The following LAMC2 variants were observed in gnomAD, a reference collection of about 807,000 sequenced individuals.
LAMC2 encodes laminin subunit gamma-2.
LAMC2 carries 97 observed loss-of-function variants against 140.2 expected under a neutral mutation model. The observed-to-expected ratio is 0.69, with a 90% CI of 0.59 to 0.82. The LOEUF (loss-of-function observed/expected upper bound fraction) is 0.82. Among genes scored for constraint, LAMC2 ranks in the 40% least tolerant of loss-of-function variants. The pLI, the probability that LAMC2 is intolerant of heterozygous loss-of-function variation, is 0.00. For missense variants in LAMC2, 1,402 were observed against 1,476.1 expected, an observed-to-expected ratio of 0.95 and a Z score of 0.82; for synonymous variants, 513 against 540.2, an observed-to-expected ratio of 0.95 and a Z score of 0.70.
intron 1 of LAMC2, among the ~76,000 whole-genome samples, chr1:183,197,540 C>G (rs1658556810): frequency 6.6e-6 from 1 of 151,886 alleles, no homozygotes; most frequent in Non-Finnish European, 1.5e-5. Context: ...GCCGGGCGTG[C>G]TGGCGGGCGC....
the LAMC2 span, chr1:183,252,443 T>A: frequency 3.0e-6 from 1 of 333,246 alleles, no homozygotes; most frequent in Non-Finnish European, 6.0e-6. Context: ...ACCCGGAGAC[T>A]AGAGGAAAGT....
chr1:183,221,462 C>T (rs968951658), intron 5 of LAMC2, among the ~76,000 whole-genome samples: 2 of 152,006 alleles, frequency 1.3e-5, no homozygotes, highest in African/African-American at 4.8e-5. Flanking sequence ...AGCGTGGTGG[C>T]TCACACCTGT....
intron 1 of LAMC2, among the ~76,000 whole-genome samples, chr1:183,195,038 TG>T (rs984300880): frequency 1.3e-5 from 2 of 152,168 alleles, no homozygotes; most frequent in African/African-American, 2.4e-5. Context: ...GTCCTCAGTT[TG>T]CCTTCCCTTT....
rs779592563 is a variant in LAMC2 at position 183,239,429 on chromosome 1, A to C, written c.2935A>C (p.Ile979Leu). The change falls in exon 20 of 23, where the codon ATC becomes CTC. Residue 979 changes from isoleucine (I) to leucine (L), a missense_variant. Transcript: ENST00000264144. Reference protein sequence around the residue: ...AEEAMKRLSYISQKVSDASDK... With the variant: ...AEEAMKRLSYLSQKVSDASDK... The stretch of plus-strand genomic sequence containing the variant: ...AGAAGCCATGAAGAGACTCTCCTAC[A>C]TCAGCCAGAAGGTTTCAGATGCCAG... 8 of 1,614,186 alleles carry C rather than the reference A, an allele frequency of 5.0e-6. No homozygotes were observed. The highest frequency in any genetic ancestry group is 4.4e-5 in the South Asian group (4 of 91,084).
At chr1:183,232,433 T>C (rs1164961669) in intron 13 of LAMC2, 90 bp downstream of exon 13, 7 of 1,436,408 alleles carry the variant, frequency 4.9e-6, no homozygotes, top group African/African-American at 1.4e-5. Flanking sequence ...TCTATGGATA[T>C]CAGTTCAGCA....
At chr1:183,247,389 A>G (rs999605241), downstream of LAMC2, among the ~76,000 whole-genome samples, 4 of 152,336 alleles carry the variant, frequency 2.6e-5, no homozygotes. Context: ...GGACAAGGAA[A>G]AAAAGGCAGT....
rs41314547 is a variant in LAMC2, at chr1:183,243,364, A to G, written c.3546A>G (p.Pro1182=). 6.0e-3 allele frequency: 9,706 copies of G among 1,614,238 alleles called. 53 individuals are homozygous for G. Among genetic ancestry groups the G allele is most frequent in the Middle Eastern group, 0.017 (104 of 6,062 alleles). Residue 1182 remains proline, a synonymous_variant, in exon 23 of 23, where the codon CCA becomes CCG. Transcript: ENST00000264144. ...NLENIRDNLP[P]GCYNTQALEQ... ...AGAACATTAGGGACAACCTGCCCCC[A>G]GGCTGCTACAATACCCAGGCTCTTG...
At chr1:183,204,746 T>G (rs1475595360) in intron 1 of LAMC2, among the ~76,000 whole-genome samples, 1 of 152,242 alleles carries the variant, frequency 6.6e-6, no homozygotes, top group Admixed American at 6.5e-5. Flanking sequence ...GTTTATATAT[T>G]TTGAAAAGAT....
the LAMC2 span, among the ~76,000 whole-genome samples, chr1:183,253,654 A>G: frequency 6.6e-6 from 1 of 151,218 alleles, no homozygotes; most frequent in African/African-American, 2.4e-5. Flanking sequence ...GATTCCATAT[A>G]TATTCCTACA....
chr1:183,220,681 A>T, intron 4 of LAMC2, 144 bp from the exon 5 acceptor site: 1 of 770,708 alleles, frequency 1.3e-6, no homozygotes, highest in Non-Finnish European at 2.2e-6. Context: ...GGTGGGGGTG[A>T]TATGCAAAAT....
chr1:183,247,300 G>A (rs995745332), downstream of LAMC2, among the ~76,000 whole-genome samples: 1 of 152,140 alleles, frequency 6.6e-6, no homozygotes, highest in African/African-American at 2.4e-5. Context: ...CGACAAGAGC[G>A]AAACTCTGTC....
intron 10 of LAMC2, 104 bp downstream of exon 10, chr1:183,227,801 C>T (rs1178752320): frequency 9.2e-7 from 1 of 1,090,982 alleles, no homozygotes; most frequent in African/African-American, 1.6e-5. Flanking sequence ...ATTATAATGA[C>T]TTCGGGTTCA....
intron 2 of LAMC2, among the ~76,000 whole-genome samples, chr1:183,208,855 A>G (rs1658983768): frequency 6.6e-6 from 1 of 151,654 alleles, no homozygotes; most frequent in South Asian, 2.1e-4. Context: ...AATTTTTTGT[A>G]TTTTTAGTAG....
intron 1 of LAMC2, among the ~76,000 whole-genome samples, 170 bp downstream of exon 1, chr1:183,186,601 G>A (rs964279187): frequency 3.9e-5 from 6 of 152,142 alleles, no homozygotes; most frequent in African/African-American, 1.4e-4. Context: ...GATTTTAAAT[G>A]AGACTAATAT....
Position 183,232,246 on chromosome 1 carries a change from T to G in LAMC2, c.1917T>G (p.Gly639=). The change falls in exon 13 of 23, where the codon GGT becomes GGG. Residue 639 remains glycine, a synonymous_variant. Transcript: ENST00000264144. ...AGGCCCTGATTTCAAAGGCTCAGGG[T>G]GGTGATGGAGTAGTACCTGATACAG... is the stretch of plus-strand genomic sequence containing the variant. ...RMEALISKAQ[G]GDGVVPDTEL... is the part of the protein sequence containing the mutation. The G allele has an allele frequency of 6.2e-7, 1 of 1,613,794 alleles. No individual in the cohort carries two copies. Among genetic ancestry groups the G allele is most frequent in the Non-Finnish European group, 8.5e-7 (1 of 1,179,960 alleles).
chr1:183,213,937 T>C (rs765685469), intron 2 of LAMC2, among the ~76,000 whole-genome samples: 15 of 151,670 alleles, frequency 9.9e-5, no homozygotes, highest in Non-Finnish European at 2.1e-4. Context: ...TGGTGGCGCA[T>C]GCCTGTAATC....
intron 1 of LAMC2, among the ~76,000 whole-genome samples, chr1:183,190,838 G>A (rs1377443903): frequency 6.6e-6 from 1 of 152,138 alleles, no homozygotes; most frequent in Admixed American, 6.5e-5. Context: ...CATCTCACCA[G>A]ATGACTTGAG....
rs980197280 is a variant in LAMC2 at position 183,243,718 on chromosome 1, A to G, written c.*318A>G. On this transcript the variant is annotated 3_prime_UTR_variant, in exon 23 of 23. Coordinates refer to ENST00000264144, the MANE Select transcript of LAMC2 (RefSeq NM_005562.3). Reference sequence around the variant, plus strand: ...TTTGCCTCATAATAGTCGTAAGTGGAGTCCTGGAATTTGGACAAGTGCTGT... The same window carrying G: ...TTTGCCTCATAATAGTCGTAAGTGGGGTCCTGGAATTTGGACAAGTGCTGT... 1 of 406,264 alleles carries G rather than the reference A, an allele frequency of 2.5e-6. No individual in the cohort carries two copies. Among genetic ancestry groups the G allele is most frequent in the African/African-American group, 2.0e-5 (1 of 49,454 alleles). 25.2% of individuals were successfully genotyped at this position (406,264 alleles called of 1,614,324 possible).
At position 183,232,691 on chromosome 1, in the gene LAMC2, G is replaced by T. The variant is rs755759156; in HGVS notation, c.2054G>T (p.Arg685Met). 13 of 1,613,522 alleles carry T rather than the reference G, an allele frequency of 8.1e-6. No homozygotes were observed. Among genetic ancestry groups the T allele is most frequent in the Non-Finnish European group, 1.1e-5 (13 of 1,179,926 alleles). ...CTTGGTCTCCAGTTGGCCAAGGTGA[G>T]GAGCCAAGAGAACAGCTACCAGAGC... ...RSLGLQLAKV[R>M]SQENSYQSRL... is the part of the protein sequence containing the mutation. Residue 685 changes from arginine (R) to methionine (M), a missense_variant, in exon 14 of 23, where the codon AGG becomes ATG. Transcript: ENST00000264144.
Sources: gnomAD v4.1 joint callset for allele counts (sites outside exome capture counted in the v4.1 genomes callset) on GRCh38, gnomAD v4.1.1 for gene constraint, MANE v1.5 for transcripts, NCBI Gene and HGNC (gene_info 2026-07-23, HGNC 2026-07-21) for gene names.